LAMC1: variants seen among roughly 807,000 people sequenced by gnomAD.
LAMC1 encodes the protein laminin subunit gamma-1.
Under a neutral mutation model 173.6 loss-of-function variants are expected in LAMC1, and 38 were observed. That is an observed-to-expected ratio of 0.22 (90% confidence interval 0.17 to 0.29). LAMC1 has a LOEUF of 0.29. LAMC1 is among the 10% of genes least tolerant of loss of function. The pLI is 1.00. For synonymous variants in LAMC1, 746 were observed against 749.1 expected (o/e 1.00, Z 0.07); for missense variants, 1,824 against 2,051.8 (o/e 0.89, Z 2.14).
intron 1 of LAMC1, among the ~76,000 whole-genome samples, chr1:183,101,444 A>G (rs151228074): frequency 0.015 from 2,192 of 151,034 alleles, 64 homozygotes; most frequent in African/African-American, 0.05. Flanking sequence ...AATGCACTGC[A>G]TCCTAGATAG....
intron 27 of LAMC1, 151 bp from the exon 28 acceptor site, chr1:183,142,383 T>C (rs1281397199): frequency 6.7e-6 from 5 of 745,304 alleles, no homozygotes; most frequent in Non-Finnish European, 1.1e-5. Flanking sequence ...TTTTATACCA[T>C]TGTGTGACAT....
At chr1:183,111,793 G>C (rs1467665898) in intron 4 of LAMC1, among the ~76,000 whole-genome samples, 1 of 151,990 alleles carries the variant, frequency 6.6e-6, no homozygotes, top group Non-Finnish European at 1.5e-5. Flanking sequence ...CTCAGCATTT[G>C]GGAGGCCTAT....
intron 1 of LAMC1, among the ~76,000 whole-genome samples, chr1:183,031,635 G>T (rs1243391981): frequency 1.3e-5 from 2 of 152,130 alleles, no homozygotes; most frequent in African/African-American, 4.8e-5. Context: ...TTTCCTACTG[G>T]ACTTTATTGA....
intron 1 of LAMC1, among the ~76,000 whole-genome samples, chr1:183,089,529 A>T (rs1430634318): frequency 6.6e-6 from 1 of 152,198 alleles, no homozygotes; most frequent in African/African-American, 2.4e-5. Context: ...TTGGAAAGGG[A>T]CATTTGATAT....
chr1:183,142,881 C>A lies in LAMC1; in HGVS notation c.*91C>A. The stretch of plus-strand genomic sequence containing the variant: ...TGACACAAAGATTACATTTTTCAGA[C>A]CCCCACTCCTCTGCTGCTGTCCATG... On this transcript the variant is annotated 3_prime_UTR_variant, in exon 28 of 28. Coordinates refer to ENST00000258341, the MANE Select transcript of LAMC1 (RefSeq NM_002293.4). 5.3e-6 allele frequency: 7 copies of A among 1,321,088 alleles called. No individual in the cohort carries two copies. The highest frequency in any genetic ancestry group is 7.3e-6 in the Non-Finnish European group (7 of 956,946). The allele number at this position is 1,321,088 out of a possible 1,614,324, so 81.8% of individuals were successfully genotyped here. A position where few individuals can be genotyped will look rare whatever the true frequency, so the allele number is the denominator to read the frequency against.
intron 4 of LAMC1, among the ~76,000 whole-genome samples, chr1:183,112,843 A>T (rs1030788647): frequency 7.9e-5 from 12 of 152,188 alleles, no homozygotes; most frequent in Non-Finnish European, 1.5e-5. Context: ...AAAAGTTTTC[A>T]GTTGTAATAC....
At chr1:183,049,982 A>G (rs374000307) in intron 1 of LAMC1, among the ~76,000 whole-genome samples, 23 of 152,326 alleles carry the variant, frequency 1.5e-4, no homozygotes, top group African/African-American at 5.3e-4. Context: ...TATTTTTTTC[A>G]AATTCAGTCT....
In LAMC1 at chr1:183,143,908, C is replaced by G. The variant is rs772888560; in HGVS notation, c.*1118C>G. On this transcript the variant is annotated 3_prime_UTR_variant, in exon 28 of 28. Transcript: ENST00000258341. ...CTGATGTTTCCATCTTCCAGAATCCCTCAAAAAACATTGTTTGCCAAATCC... is the reference window on the plus strand; with the variant it reads ...CTGATGTTTCCATCTTCCAGAATCCGTCAAAAAACATTGTTTGCCAAATCC... 6.6e-6 allele frequency: 1 copy of G among 152,170 alleles called. No individual in the cohort carries two copies. The highest frequency in any genetic ancestry group is 2.4e-5 in the African/African-American group (1 of 41,428). 9.4% of individuals were successfully genotyped at this position (152,170 alleles called of 1,614,324 possible).
rs1397360690 is a variant in LAMC1 at position 183,023,661 on chromosome 1, G to T, written c.-56G>T. 6.1e-6 allele frequency: 7 copies of T among 1,142,752 alleles called. No individual in the cohort carries two copies. The highest frequency in any genetic ancestry group is 6.5e-6 in the Non-Finnish European group (6 of 928,204). The allele number at this position is 1,142,752 out of a possible 1,614,324, so 70.8% of individuals were successfully genotyped here. A position where few individuals can be genotyped will look rare whatever the true frequency, so the allele number is the denominator to read the frequency against. ...CGGCCTCCGGGGGACGCCGCTAGGC[G>T]AGAGGAACGCGCCGGTGCCCTTGCC... On this transcript the variant is annotated 5_prime_UTR_variant, in exon 1 of 28. Coordinates refer to ENST00000258341, the MANE Select transcript of LAMC1 (RefSeq NM_002293.4).
intron 1 of LAMC1, among the ~76,000 whole-genome samples, chr1:183,025,492 C>A (rs868705271): frequency 5.3e-5 from 8 of 152,134 alleles, no homozygotes; most frequent in Non-Finnish European, 4.4e-5. Context: ...ATCTGTTTTT[C>A]AGGGATTGAA....
intron 1 of LAMC1, among the ~76,000 whole-genome samples, chr1:183,062,403 T>C (rs1400676256): frequency 6.6e-6 from 1 of 152,160 alleles, no homozygotes; most frequent in Non-Finnish European, 1.5e-5. Flanking sequence ...AATTTTGTTT[T>C]AAAGTTGTAT....
Position 183,145,441 on chromosome 1 carries a change from C to T in LAMC1, c.*2651C>T, listed in dbSNP as rs1657230599. On this transcript the variant is annotated 3_prime_UTR_variant, in exon 28 of 28. Coordinates refer to ENST00000258341, the MANE Select transcript of LAMC1 (RefSeq NM_002293.4). ...TTTTCCTTTGAATTCCAACTGTGGA[C>T]CTTTTATATGTGCCTTCACTTTAGC... 6.6e-6 allele frequency: 1 copy of T among 152,488 alleles called. No homozygotes were observed. The highest frequency in any genetic ancestry group is 6.6e-5 in the Admixed American group (1 of 15,260). The allele number at this position is 152,488 out of a possible 1,614,324, so 9.4% of individuals were successfully genotyped here.
intron 1 of LAMC1, among the ~76,000 whole-genome samples, chr1:183,048,744 T>C (rs1654333438): frequency 6.6e-6 from 1 of 152,304 alleles, no homozygotes; most frequent in Non-Finnish European, 1.5e-5. Context: ...TGTTATAGTA[T>C]TGGGGACATG....
intron 1 of LAMC1, among the ~76,000 whole-genome samples, chr1:183,089,178 C>T (rs1655505340): frequency 6.6e-6 from 1 of 152,160 alleles, no homozygotes; most frequent in Non-Finnish European, 1.5e-5. Context: ...GGCTGTTCTC[C>T]AGAATGTAAA....
intron 1 of LAMC1, among the ~76,000 whole-genome samples, chr1:183,089,894 C>T (rs933153275): frequency 6.6e-6 from 1 of 152,126 alleles, no homozygotes; most frequent in Non-Finnish European, 1.5e-5. Context: ...ATGCTAGGTA[C>T]CACATAATTA....
At chr1:183,058,273 A>G (rs1365720297) in intron 1 of LAMC1, among the ~76,000 whole-genome samples, 2 of 152,196 alleles carry the variant, frequency 1.3e-5, no homozygotes, top group Non-Finnish European at 2.9e-5. Context: ...TCATACCTGT[A>G]ACATAAGGAT....
intron 1 of LAMC1, among the ~76,000 whole-genome samples, chr1:183,051,091 C>T (rs1176048198): frequency 3.3e-5 from 5 of 152,072 alleles, no homozygotes; most frequent in African/African-American, 1.2e-4. Context: ...TAATAAGTCA[C>T]AGCTGTCTAG....
intron 1 of LAMC1, among the ~76,000 whole-genome samples, chr1:183,028,691 C>T (rs1653758697): frequency 6.6e-6 from 1 of 152,224 alleles, no homozygotes; most frequent in Non-Finnish European, 1.5e-5. Flanking sequence ...CATGTATACC[C>T]TGGTTCAGAG....
intron 1 of LAMC1, among the ~76,000 whole-genome samples, chr1:183,048,248 A>G (rs1215840522): frequency 1.3e-5 from 2 of 152,264 alleles, no homozygotes; most frequent in African/African-American, 4.8e-5. Context: ...ACTAAGAGTA[A>G]GTGAACATTT....
Sources: allele counts gnomAD v4.1 joint callset (sites outside exome capture counted in the v4.1 genomes callset), GRCh38; gene constraint gnomAD v4.1.1; transcripts MANE v1.5; gene names NCBI Gene and HGNC (gene_info 2026-07-23, HGNC 2026-07-21).